MRAS: variants seen among roughly 807,000 people sequenced by gnomAD.
The protein encoded by MRAS is ras-related protein M-Ras.
In MRAS, 4 loss-of-function variants were observed where a neutral mutation model predicts 20.9. The ratio of observed to expected loss-of-function variants is 0.19; its 90% CI spans 0.09 to 0.44. The LOEUF (loss-of-function observed/expected upper bound fraction) is 0.44. MRAS is among the 20% of genes least tolerant of loss of function. MRAS has a pLI of 0.99. For missense variants in MRAS, 154 were observed against 277.5 expected (o/e 0.56, Z 3.16); for synonymous variants, 98 against 102.9 (o/e 0.95, Z 0.29).
At position 138,402,190 on chromosome 3, in the gene MRAS, G is replaced by A. The variant is rs562054267; in HGVS notation, c.548G>A (p.Ser183Asn). Residue 183 changes from serine to asparagine, a missense_variant, in exon 6 of 6, where the codon AGC becomes AAC. Ser to Asn is a conservative substitution (Grantham distance 46, BLOSUM62 1). Coordinates refer to ENST00000423968, the MANE Select transcript of MRAS (RefSeq NM_001085049.3). ...AAAAGGCAACAGATTCCGGAAAAAA[G>A]CCAGAAGAAGAAGAAGAAAACCAAA... Reference protein sequence around the residue: ...RVIRQQIPEKSQKKKKKTKWR... With the variant: ...RVIRQQIPEKNQKKKKKTKWR... The A allele has an allele frequency of 5.6e-6, 9 of 1,614,224 alleles. No individual in the cohort carries two copies. The highest frequency in any genetic ancestry group is 7.6e-6 in the Non-Finnish European group (9 of 1,180,040).
chr3:138,356,182 AAAG>A (rs2054330385), intron 1 of MRAS, among the ~76,000 whole-genome samples: 1 of 152,252 alleles, frequency 6.6e-6, no homozygotes, highest in African/African-American at 2.4e-5. Flanking sequence ...TTGGGTTTAA[AAAG>A]AAACTACTTG....
chr3:138,348,346 G>A (rs2054155703), upstream of MRAS: 1 of 152,272 alleles, frequency 6.6e-6, no homozygotes, highest in Non-Finnish European at 1.5e-5. Flanking sequence ...GGCCGCGGGA[G>A]AGGCTGCGGC....
chr3:138,390,995 C>T (rs917904543), intron 2 of MRAS, among the ~76,000 whole-genome samples: 2 of 152,172 alleles, frequency 1.3e-5, no homozygotes, highest in Non-Finnish European at 2.9e-5. Context: ...GGCCTTTTCT[C>T]ATTCCAAATG....
Position 138,373,118 on chromosome 3 carries a change from A to T in MRAS, c.193+42A>T, listed in dbSNP as rs1287348751. On this transcript the variant is annotated intron_variant, in intron 2 of 5. Transcript: ENST00000423968. ...AGCCCTGCATTGGGTGGGATAGTAG[A>T]TGGGGAGGATCAGGGAAATTTGACA... 1.2e-5 allele frequency: 16 copies of T among 1,380,628 alleles called. No homozygotes were observed. In the Admixed American group the frequency reaches 3.9e-4, roughly 34 times the overall value. The allele number at this position is 1,380,628 out of a possible 1,614,324, so 85.5% of individuals were successfully genotyped here.
intron 2 of MRAS, among the ~76,000 whole-genome samples, chr3:138,395,628 A>G (rs564981269): frequency 6.6e-6 from 1 of 152,216 alleles, no homozygotes; most frequent in African/African-American, 2.4e-5. Flanking sequence ...TCCCTACCCA[A>G]AATGACACCA....
rs927835873 is a variant in MRAS at position 138,402,025 on chromosome 3, A to G, written c.528-145A>G. 3 of 698,110 alleles carry G rather than the reference A, an allele frequency of 4.3e-6. No individual in the cohort carries two copies. In the African/African-American group the frequency reaches 5.4e-5, roughly 13 times the overall value. 43.2% of individuals were successfully genotyped at this position (698,110 alleles called of 1,614,324 possible). A position where few individuals can be genotyped will look rare whatever the true frequency, so the allele number is the denominator to read the frequency against. On this transcript the variant is annotated intron_variant, in intron 5 of 5. Coordinates refer to ENST00000423968, the MANE Select transcript of MRAS (RefSeq NM_001085049.3). ...CAGCGGCCAGGACAGCCACTGGGAGAGGGATGGCATCCCCATCCCCCTCAC... is the reference window on the plus strand; with the variant it reads ...CAGCGGCCAGGACAGCCACTGGGAGGGGGATGGCATCCCCATCCCCCTCAC...
chr3:138,371,285 G>A (rs1011861902), intron 1 of MRAS, among the ~76,000 whole-genome samples: 8 of 152,152 alleles, frequency 5.3e-5, no homozygotes, highest in African/African-American at 1.7e-4. Context: ...AATGACTCTC[G>A]ACTGTAGCCC....
chr3:138,392,872 T>C (rs2055160426), intron 2 of MRAS, among the ~76,000 whole-genome samples: 1 of 152,244 alleles, frequency 6.6e-6, no homozygotes, highest in African/African-American at 2.4e-5. Flanking sequence ...GCCTACTTTT[T>C]ATTATATTTG....
intron 1 of MRAS, among the ~76,000 whole-genome samples, chr3:138,367,544 C>T (rs1411015647): frequency 1.3e-5 from 2 of 152,196 alleles, no homozygotes; most frequent in East Asian, 3.8e-4. Flanking sequence ...CTGGGGTGAT[C>T]AGTCCACCCA....
intron 2 of MRAS, among the ~76,000 whole-genome samples, chr3:138,387,834 T>C (rs1489565711): frequency 6.6e-6 from 1 of 152,198 alleles, no homozygotes. Flanking sequence ...ATATGCAGTT[T>C]GTATACCAGT....
chr3:138,389,338 C>G (rs996660099), intron 2 of MRAS, among the ~76,000 whole-genome samples: 3 of 151,602 alleles, frequency 2.0e-5, no homozygotes, highest in Admixed American at 6.6e-5. Context: ...TTCTGGGACT[C>G]TACCCCATGG....
chr3:138,386,721 G>C (rs2055022977), intron 2 of MRAS, among the ~76,000 whole-genome samples: 1 of 152,154 alleles, frequency 6.6e-6, no homozygotes, highest in Admixed American at 6.5e-5. Context: ...GACTTCAGGT[G>C]ATCTGCCCGC....
At chr3:138,391,151 C>A (rs554416383) in intron 2 of MRAS, among the ~76,000 whole-genome samples, 11 of 152,178 alleles carry the variant, frequency 7.2e-5, no homozygotes, top group Admixed American at 2.0e-4. Flanking sequence ...ATACCTTTTT[C>A]TTTCTCTCTT....
intron 2 of MRAS, among the ~76,000 whole-genome samples, chr3:138,387,564 C>T (rs1201489762): frequency 6.6e-6 from 1 of 152,196 alleles, no homozygotes; most frequent in Non-Finnish European, 1.5e-5. Context: ...GTCTCTTCAC[C>T]TGTCAAATGC....
intron 2 of MRAS, among the ~76,000 whole-genome samples, chr3:138,384,748 C>T (rs1033863786): frequency 3.4e-4 from 51 of 152,104 alleles, no homozygotes; most frequent in African/African-American, 1.2e-3. Flanking sequence ...TAGAGAAGGA[C>T]CCACCAATGT....
At chr3:138,386,275 C>T (rs115894251) in intron 2 of MRAS, among the ~76,000 whole-genome samples, 1 of 151,994 alleles carries the variant, frequency 6.6e-6, no homozygotes, top group Non-Finnish European at 1.5e-5. Flanking sequence ...CCATTCTCCC[C>T]CCTCCTCAGT....
chr3:138,402,446 G>A lies in MRAS; in HGVS notation c.*177G>A, dbSNP rs879334304. 14 of 586,270 alleles carry A rather than the reference G, an allele frequency of 2.4e-5. No individual in the cohort carries two copies. The highest frequency in any genetic ancestry group is 1.6e-4 in the South Asian group (6 of 38,678). 36.3% of individuals were successfully genotyped at this position (586,270 alleles called of 1,614,324 possible). On this transcript the variant is annotated 3_prime_UTR_variant, in exon 6 of 6. Coordinates refer to ENST00000423968, the MANE Select transcript of MRAS (RefSeq NM_001085049.3). ...GGGTCTGGCTTTGCCCAGAGGGCAC[G>A]GGCTTTCCCACCTCTCAAAGAGACA...
At chr3:138,373,988 G>T (rs931953585) in intron 2 of MRAS, among the ~76,000 whole-genome samples, 2 of 151,644 alleles carry the variant, frequency 1.3e-5, no homozygotes, top group South Asian at 4.2e-4. Context: ...ACGGAGTCTC[G>T]CTCTGTCACC....
At chr3:138,397,883 A>G (rs961717373) in intron 3 of MRAS, among the ~76,000 whole-genome samples, 9 of 150,690 alleles carry the variant, frequency 6.0e-5, no homozygotes, top group African/African-American at 2.0e-4. Context: ...AAAAGAGAAA[A>G]CAAAAATGGC....
Sources: gnomAD v4.1 joint callset for allele counts (sites outside exome capture counted in the v4.1 genomes callset) on GRCh38, gnomAD v4.1.1 for gene constraint, MANE v1.5 for transcripts, NCBI Gene and HGNC (gene_info 2026-07-23, HGNC 2026-07-21) for gene names.